The following BMP7 variants were observed in gnomAD, a reference collection of about 807,000 sequenced individuals.
The protein encoded by BMP7 is bone morphogenetic protein 7.
A neutral mutation model predicts 41.2 loss-of-function variants in BMP7; 12 were observed. That is an observed-to-expected ratio of 0.29 (90% CI 0.19 to 0.47). BMP7 has a LOEUF of 0.47. Among genes scored for constraint, BMP7 ranks in the 20% least tolerant of loss-of-function variants. BMP7 has a pLI of 0.99. For synonymous variants in BMP7, 248 were observed against 250.0 expected, an observed-to-expected ratio of 0.99 and a Z score of 0.07; for missense variants, 467 against 606.0, an observed-to-expected ratio of 0.77 and a Z score of 2.41.
At chr20:57,230,492 A>G (rs944083634) in intron 1 of BMP7, among the ~76,000 whole-genome samples, 1 of 151,616 alleles carries the variant, frequency 6.6e-6, no homozygotes, top group African/African-American at 2.4e-5. Context: ...AGTGAGTACA[A>G]TCCCGCATAG....
In BMP7 at chr20:57,171,125, A is replaced by G; in HGVS notation, c.1147-17T>C. ...GAAGTGGACCTGAAACACACACCAA[A>G]ACATGGGCAGTGGTGAGAAGCGGTG... On this transcript the variant is annotated splice_polypyrimidine_tract_variant and intron_variant, in intron 6 of 6. Transcript: ENST00000395863. The surrounding 1 kb of genome is among the most constrained non-coding windows in gnomAD (Gnocchi z 4.5). 6.2e-7 allele frequency: 1 copy of G among 1,614,160 alleles called. No homozygotes were observed. Among genetic ancestry groups the G allele is most frequent in the Admixed American group, 1.7e-5 (1 of 60,032 alleles).
chr20:57,208,228 C>T (rs1984789227), intron 2 of BMP7, among the ~76,000 whole-genome samples: 1 of 152,152 alleles, frequency 6.6e-6, no homozygotes, highest in African/African-American at 2.4e-5. Flanking sequence ...GTTTGAAACC[C>T]ATATTGTAAA....
At position 57,182,911 on chromosome 20, in the gene BMP7, A is replaced by C. The variant is rs542231729; in HGVS notation, c.958+811T>G. ...GTAAATAAACATTTCAAACAAACTG[A>C]AAAGTACCGCACATCATATATTCTT... On this transcript the variant is annotated intron_variant, in intron 4 of 6. Coordinates refer to ENST00000395863, the MANE Select transcript of BMP7 (RefSeq NM_001719.3). Among the ~76,000 whole-genome samples the C allele has an allele frequency of 1.1e-4, 16 of 152,370 alleles. No homozygotes were observed. In the South Asian group the frequency reaches 3.3e-3, roughly 32 times the overall value.
chr20:57,180,085 G>A (rs1486619996), intron 4 of BMP7, among the ~76,000 whole-genome samples: 1 of 152,100 alleles, frequency 6.6e-6, no homozygotes, highest in Non-Finnish European at 1.5e-5. Context: ...TGGATGATCT[G>A]CCACATCCTC....
chr20:57,235,541 G>A (rs916647484), intron 1 of BMP7, among the ~76,000 whole-genome samples: 4 of 152,172 alleles, frequency 2.6e-5, no homozygotes, highest in South Asian at 2.1e-4. Context: ...CAGTGCCTGC[G>A]TTCAGGTACG....
At chr20:57,222,116 G>A (rs1985203086) in intron 2 of BMP7, among the ~76,000 whole-genome samples, 1 of 152,164 alleles carries the variant, frequency 6.6e-6, no homozygotes, top group Admixed American at 6.5e-5. Flanking sequence ...CGGCTTCACT[G>A]AACGTGATAT....
Position 57,265,824 on chromosome 20 carries a change from C to A in BMP7, c.299G>T (p.Gly100Val), listed in dbSNP as rs1344425017. 6.2e-7 allele frequency: 1 copy of A among 1,605,702 alleles called. No individual in the cohort carries two copies. Among genetic ancestry groups the A allele is most frequent in the Non-Finnish European group, 8.5e-7 (1 of 1,176,648 alleles). ...CTTGTAGGGGTAGGAGAAGCCCTGG[C>A]CGCCGGGCCCGCCGCCCTCCTCCAC... Reference protein sequence around the residue: ...MAVEEGGGPGGQGFSYPYKAV... With the variant: ...MAVEEGGGPGVQGFSYPYKAV... The change falls in exon 1 of 7, where the codon GGC (glycine) becomes GTC (valine). Residue 100 changes from glycine (G) to valine (V), a missense_variant. This residue lies in a region of BMP7 where 407 missense variants were observed against 485.9 expected (regional missense o/e 0.84). Coordinates refer to ENST00000395863, the MANE Select transcript of BMP7 (RefSeq NM_001719.3).
chr20:57,232,839 AAC>A (rs1195434540), intron 1 of BMP7, among the ~76,000 whole-genome samples: 1 of 147,260 alleles, frequency 6.8e-6, no homozygotes, highest in Non-Finnish European at 1.5e-5. Flanking sequence ...TCAAAGAAAG[AAC>A]AGTCATGAAG....
intron 1 of BMP7, among the ~76,000 whole-genome samples, chr20:57,245,098 A>C (rs1312143736): frequency 6.6e-6 from 1 of 152,146 alleles, no homozygotes; most frequent in African/African-American, 2.4e-5. Flanking sequence ...AATCAGCTTC[A>C]TTTCTGAAAA....
intron 3 of BMP7, chr20:57,187,267 C>A (rs1984233668): frequency 6.6e-6 from 1 of 152,220 alleles, no homozygotes; most frequent in African/African-American, 2.4e-5. Context: ...TATGCTGGGG[C>A]CTGAATTTCC....
At chr20:57,232,858 C>T (rs2066034276) in intron 1 of BMP7, among the ~76,000 whole-genome samples, 2 of 96,958 alleles carry the variant, frequency 2.1e-5, no homozygotes, top group Admixed American at 8.7e-5. Context: ...GAAGTACACA[C>T]ACACACACAC....
intron 3 of BMP7, among the ~76,000 whole-genome samples, chr20:57,195,937 G>A (rs1460525590): frequency 6.6e-6 from 1 of 152,192 alleles, no homozygotes; most frequent in African/African-American, 2.4e-5. Flanking sequence ...TGACCTTGGA[G>A]CTCAGGGTAT....
intron 3 of BMP7, among the ~76,000 whole-genome samples, chr20:57,196,928 G>A (rs1265683087): frequency 6.6e-6 from 1 of 151,476 alleles, no homozygotes; most frequent in East Asian, 1.9e-4. Context: ...TTGAGACAGA[G>A]TCCCACTCTG....
intron 2 of BMP7, among the ~76,000 whole-genome samples, chr20:57,204,496 C>T (rs1245095436): frequency 6.6e-6 from 1 of 152,240 alleles, no homozygotes; most frequent in African/African-American, 2.4e-5. Context: ...GAGAAGCCTA[C>T]ACAGGGAAGA....
chr20:57,204,833 C>T (rs758748002), intron 2 of BMP7, among the ~76,000 whole-genome samples: 8 of 152,202 alleles, frequency 5.3e-5, no homozygotes, highest in Non-Finnish European at 7.3e-5. Context: ...ATGCTTAATT[C>T]TGTTATTGCT....
At chr20:57,226,919 T>C (rs1320353022) in intron 2 of BMP7, among the ~76,000 whole-genome samples, 1 of 149,308 alleles carries the variant, frequency 6.7e-6, no homozygotes, top group Non-Finnish European at 1.5e-5. Context: ...CTTCTCCTCC[T>C]GGGTTCAAGC....
chr20:57,219,271 T>C (rs1456283478), intron 2 of BMP7, among the ~76,000 whole-genome samples: 1 of 125,850 alleles, frequency 7.9e-6, no homozygotes, highest in Non-Finnish European at 1.5e-5. Flanking sequence ...TGCTGGTAGG[T>C]GGTGTTTGGT....
intron 3 of BMP7, among the ~76,000 whole-genome samples, chr20:57,191,768 TATATA>T (rs1172492065): frequency 7.0e-6 from 1 of 143,664 alleles, no homozygotes; most frequent in African/African-American, 2.6e-5. Context: ...ATATATAATA[TATATA>T]ATATACTATA....
intron 6 of BMP7, among the ~76,000 whole-genome samples, chr20:57,172,175 C>A (rs1421756708): frequency 6.6e-6 from 1 of 152,190 alleles, no homozygotes; most frequent in Non-Finnish European, 1.5e-5. Context: ...ACATGCCTGG[C>A]ACCTTCCAGG....
Sources: gnomAD v4.1 joint callset for allele counts (sites outside exome capture counted in the v4.1 genomes callset) on GRCh38, gnomAD v4.1.1 for gene constraint, gnomAD v4.1.1 regional missense constraint, Gnocchi (gnomAD v3.1) non-coding constraint, MANE v1.5 for transcripts, NCBI Gene and HGNC (gene_info 2026-07-23, HGNC 2026-07-21) for gene names.